Variants in E2F7 observed in about 807,000 individuals in gnomAD.
The protein encoded by E2F7 is transcription factor E2F7.
E2F7 carries 35 observed loss-of-function variants against 81.1 expected under a neutral mutation model. The ratio of observed to expected loss-of-function variants is 0.43; its 90% CI spans 0.33 to 0.57. The LOEUF (loss-of-function observed/expected upper bound fraction) is 0.57, where lower values mean the gene tolerates loss of function less well. E2F7 is among the 20% of genes least tolerant of loss of function. The pLI is 0.04. For synonymous variants in E2F7, 416 were observed against 416.2 expected (o/e 1.00, Z 0.01); for missense variants, 961 against 1,093.7 (o/e 0.88, Z 1.71).
intron 2 of E2F7, among the ~76,000 whole-genome samples, chr12:77,059,260 G>A (rs921328155): frequency 1.3e-5 from 2 of 152,144 alleles, no homozygotes; most frequent in African/African-American, 4.8e-5. Flanking sequence ...GTTTTCTAAG[G>A]TGTCAGGTGG....
intron 7 of E2F7, among the ~76,000 whole-genome samples, chr12:77,035,545 T>C (rs1026617016): frequency 1.3e-5 from 2 of 152,198 alleles, no homozygotes; most frequent in Non-Finnish European, 2.9e-5. Flanking sequence ...TAAAAGCTGA[T>C]AGAGTCTTGC....
In E2F7 at chr12:77,030,364, C is replaced by G. The variant is rs747881648; in HGVS notation, c.1383-32G>C. The G allele has an allele frequency of 5.3e-6, 8 of 1,515,136 alleles. No homozygotes were observed. In the African/African-American group the frequency reaches 1.1e-4, roughly 21 times the overall value. 93.9% of individuals were successfully genotyped at this position (1,515,136 alleles called of 1,614,324 possible). On this transcript the variant is annotated intron_variant, in intron 9 of 12. Coordinates refer to ENST00000322886, the MANE Select transcript of E2F7 (RefSeq NM_203394.3). ...TAAAAAAGAAACGTAACGAAGTTAG[C>G]ACATTCTACCAACTCCTGACCCTTT... is the stretch of plus-strand genomic sequence containing the variant.
At chr12:77,054,328 T>A (rs61932803) in intron 3 of E2F7, among the ~76,000 whole-genome samples, 28,648 of 151,596 alleles carry the variant, frequency 0.19, 3,325 homozygotes, top group Non-Finnish European at 0.25. Context: ...ACAAGATCAA[T>A]ACACACACAC....
intron 2 of E2F7, among the ~76,000 whole-genome samples, chr12:77,057,264 C>CG (rs1164660864): frequency 6.6e-6 from 1 of 151,756 alleles, no homozygotes; most frequent in Non-Finnish European, 1.5e-5. Context: ...TGTGTGGAGA[C>CG]GGGGTCTTGC....
At chr12:77,031,699 A>T (rs1954809314) in intron 9 of E2F7, among the ~76,000 whole-genome samples, 1 of 152,116 alleles carries the variant, frequency 6.6e-6, no homozygotes, top group Admixed American at 6.6e-5. Context: ...CACACAACAA[A>T]AAAAACAGTA....
intron 2 of E2F7, 42 bp downstream of exon 2, chr12:77,064,501 A>G: frequency 6.6e-7 from 1 of 1,522,012 alleles, no homozygotes; most frequent in Non-Finnish European, 9.1e-7. Context: ...CAACATCACC[A>G]TCCTTAACAT....
intron 7 of E2F7, among the ~76,000 whole-genome samples, chr12:77,042,287 C>G (rs1228323998): frequency 6.6e-6 from 1 of 152,196 alleles, no homozygotes; most frequent in Non-Finnish European, 1.5e-5. Context: ...GTGGTTTCAT[C>G]TAGATCCTAA....
At position 77,046,029 on chromosome 12, in the gene E2F7, T is replaced by C. The variant is rs1592562143; in HGVS notation, c.829+9A>G. ...TCTGCCATTACTCATGAAGTTACAA[T>C]GGACTCACAAGAGGGACAGTCGGGT... On this transcript the variant is annotated intron_variant, in intron 5 of 12. Coordinates refer to ENST00000322886, the MANE Select transcript of E2F7 (RefSeq NM_203394.3). 1.9e-6 allele frequency: 3 copies of C among 1,610,468 alleles called. No individual in the cohort carries two copies. Among genetic ancestry groups the C allele is most frequent in the Non-Finnish European group, 2.5e-6 (3 of 1,177,970 alleles).
At chr12:77,064,690 A>G in intron 1 of E2F7, 55 bp from the exon 2 acceptor site, 1 of 1,419,638 alleles carries the variant, frequency 7.0e-7, no homozygotes, top group Non-Finnish European at 9.9e-7. Flanking sequence ...TTTTTTCCTC[A>G]AACAAAAATA....
At chr12:77,039,442 G>A (rs191578747) in intron 7 of E2F7, among the ~76,000 whole-genome samples, 192 of 152,272 alleles carry the variant, frequency 1.3e-3, no homozygotes, top group African/African-American at 4.3e-3. Context: ...TATGCAGAAT[G>A]TATATACAAC....
intron 7 of E2F7, among the ~76,000 whole-genome samples, chr12:77,041,199 C>CT (rs1467220791): frequency 4.6e-5 from 7 of 152,200 alleles, no homozygotes; most frequent in Non-Finnish European, 5.9e-5. Context: ...ATCTTACTTT[C>CT]TTCTTTTTTG....
At position 77,021,410 on chromosome 12, in the gene E2F7, TAAG is replaced by T. The variant is rs1384959814; in HGVS notation, c.*2602_*2604del. The stretch of plus-strand genomic sequence containing the variant: ...TAGGAAAAAGAGCAGAGCTAAATAA[TAAG>T]AAAACAAAAGCAGTAAGCAGCAATA... On this transcript the variant is annotated 3_prime_UTR_variant, in exon 13 of 13. Transcript: ENST00000322886. 6.6e-6 allele frequency: 1 copy of T among 152,356 alleles called. No individual in the cohort carries two copies. The highest frequency in any genetic ancestry group is 1.9e-4 in the East Asian group (1 of 5,192). The allele number at this position is 152,356 out of a possible 1,614,324, so 9.4% of individuals were successfully genotyped here.
intron 4 of E2F7, among the ~76,000 whole-genome samples, chr12:77,047,169 C>A (rs1026745329): frequency 1.3e-5 from 2 of 152,134 alleles, no homozygotes; most frequent in Non-Finnish European, 2.9e-5. Flanking sequence ...TTAAACCTAG[C>A]AAAAATACTT....
chr12:77,045,337 G>A (rs1954931007), intron 5 of E2F7, among the ~76,000 whole-genome samples: 1 of 152,160 alleles, frequency 6.6e-6, no homozygotes, highest in African/African-American at 2.4e-5. Context: ...CCTGTGGATG[G>A]CAGGCAAACC....
intron 10 of E2F7, among the ~76,000 whole-genome samples, chr12:77,028,655 T>C (rs769169930): frequency 1.3e-5 from 2 of 151,940 alleles, no homozygotes; most frequent in Non-Finnish European, 2.9e-5. Context: ...TGTGTATTTT[T>C]AGTAGAGACA....
At chr12:77,043,456 C>T (rs1283474568) in intron 6 of E2F7, among the ~76,000 whole-genome samples, 2 of 152,026 alleles carry the variant, frequency 1.3e-5, no homozygotes, top group African/African-American at 4.8e-5. Flanking sequence ...TGGCGACAAA[C>T]AGGGAGCACT....
At chr12:77,045,127 A>G (rs1353125308) in intron 5 of E2F7, among the ~76,000 whole-genome samples, 1 of 152,228 alleles carries the variant, frequency 6.6e-6, no homozygotes, top group East Asian at 1.9e-4. Context: ...TAGAAGGATA[A>G]AAAGATAGGG....
Position 77,064,556 on chromosome 12 carries a change from T to G in E2F7, c.80A>C (p.Glu27Ala). The G allele has an allele frequency of 6.2e-7, 1 of 1,614,124 alleles. No individual in the cohort carries two copies. The highest frequency in any genetic ancestry group is 8.5e-7 in the Non-Finnish European group (1 of 1,179,982). Residue 27 changes from glutamate to alanine, a missense_variant, in exon 2 of 13, where the codon GAA becomes GCA. Glu to Ala is a moderately radical substitution (Grantham distance 107). Around this residue, in one of 3 missense-constraint regions of E2F7, gnomAD observed 73 missense variants for 68.4 expected, o/e 1.07. Transcript: ENST00000322886. ...PRLDFAVEDG[E>A]NAQKENIFVD... ...ATGTTTGCTTACCTTTTGTGCATTT[T>G]CCCCATCTTCAACTGCAAAATCTAG...
intron 12 of E2F7, 134 bp downstream of exon 12, chr12:77,025,424 C>G (rs1345043008): frequency 1.2e-5 from 11 of 931,458 alleles, no homozygotes; most frequent in Middle Eastern, 3.4e-4. Context: ...GCAGATAACT[C>G]TAGGTCTACA....
Sources: allele counts gnomAD v4.1 joint callset (sites outside exome capture counted in the v4.1 genomes callset), GRCh38; gene constraint gnomAD v4.1.1; regional missense constraint gnomAD v4.1.1; transcripts MANE v1.5; gene names NCBI Gene and HGNC (gene_info 2026-07-23, HGNC 2026-07-21).